EDA: variants seen among roughly 807,000 people sequenced by gnomAD.
EDA encodes ectodysplasin A.
A neutral mutation model predicts 23.6 loss-of-function variants in EDA; 2 were observed. That is an observed-to-expected ratio of 0.08 (90% CI 0.03 to 0.27). EDA has a LOEUF of 0.27. Among genes scored for constraint, EDA ranks in the 10% least tolerant of loss-of-function variants. The pLI, the probability that EDA is intolerant of heterozygous loss-of-function variation, is 1.00. For missense variants in EDA, 229 were observed against 324.2 expected (o/e 0.71, Z 2.26); for synonymous variants, 131 against 132.0 (o/e 0.99, Z 0.05).
chrX:69,853,614 C>T (rs1347856933), intron 1 of EDA, among the ~76,000 whole-genome samples: 2 of 111,939 alleles, frequency 1.8e-5, no homozygotes, highest in Non-Finnish European at 3.8e-5. Context: ...ACACCCAAAT[C>T]AGAGAAAAGC....
intron 1 of EDA, among the ~76,000 whole-genome samples, chrX:69,762,992 T>C (rs891093076): frequency 1.8e-5 from 2 of 112,181 alleles, no homozygotes; most frequent in African/African-American, 6.5e-5. Flanking sequence ...TTTGGATTAG[T>C]TGTGGTCTGT....
At chrX:69,970,476 C>CT (rs201017957) in intron 2 of EDA, among the ~76,000 whole-genome samples, 339 of 108,481 alleles carry the variant, frequency 3.1e-3, no homozygotes, top group Non-Finnish European at 5.1e-3. Context: ...AATGAGAATG[C>CT]TTTTTTTTTC....
At chrX:69,839,145 C>T (rs1265983502) in intron 1 of EDA, among the ~76,000 whole-genome samples, 1 of 112,056 alleles carries the variant, frequency 8.9e-6, no homozygotes, top group East Asian at 2.8e-4. Flanking sequence ...AGTATAGTAA[C>T]AAACAGGAAG....
chrX:69,714,239 CTTTTG>C (rs1186708262), intron 1 of EDA, among the ~76,000 whole-genome samples: 3 of 110,673 alleles, frequency 2.7e-5, no homozygotes, highest in African/African-American at 9.8e-5. Context: ...CTCTTCATGT[CTTTTG>C]TTTTATTTTT....
At chrX:69,805,304 G>A (rs2015788514) in intron 1 of EDA, among the ~76,000 whole-genome samples, 1 of 111,325 alleles carries the variant, frequency 9.0e-6, no homozygotes. Context: ...AACCATATCT[G>A]CCTTTGCTCA....
chrX:69,738,760 G>A, intron 1 of EDA, among the ~76,000 whole-genome samples: 1 of 108,875 alleles, frequency 9.2e-6, no homozygotes, highest in East Asian at 2.9e-4. Flanking sequence ...TGGTTATTTA[G>A]GAGTATGCTA....
chrX:69,970,669 A>G (rs1482893910), intron 2 of EDA, among the ~76,000 whole-genome samples: 1 of 111,808 alleles, frequency 8.9e-6, no homozygotes, highest in African/African-American at 3.2e-5. Flanking sequence ...CCAGAACGGG[A>G]TCTTCATGGT....
intron 1 of EDA, among the ~76,000 whole-genome samples, chrX:69,923,631 A>T (rs2018469442): frequency 8.9e-6 from 1 of 111,774 alleles, no homozygotes; most frequent in Admixed American, 9.5e-5. Context: ...CAGTAGAATG[A>T]TTTATTTAGA....
chrX:69,804,678 C>T (rs1373708996), intron 1 of EDA, among the ~76,000 whole-genome samples: 1 of 110,696 alleles, frequency 9.0e-6, no homozygotes, highest in African/African-American at 3.3e-5. Context: ...AGATAATCAT[C>T]TAACATGATC....
intron 1 of EDA, among the ~76,000 whole-genome samples, chrX:69,638,666 G>A (rs1011048431): frequency 1.8e-5 from 2 of 111,835 alleles, no homozygotes. Context: ...GTTAGTCTGA[G>A]CAGTAATTTC....
intron 1 of EDA, among the ~76,000 whole-genome samples, chrX:69,650,995 CA>C (rs1340703875): frequency 9.0e-6 from 1 of 111,074 alleles, no homozygotes; most frequent in Non-Finnish European, 1.9e-5. Flanking sequence ...GAAAGTTAGG[CA>C]AGATGAGATT....
At chrX:69,754,272 C>CA (rs1330241641) in intron 1 of EDA, among the ~76,000 whole-genome samples, 1 of 111,270 alleles carries the variant, frequency 9.0e-6, no homozygotes, top group African/African-American at 3.3e-5. Context: ...CTGGTGGTGA[C>CA]AAAATCAGCA....
intron 1 of EDA, among the ~76,000 whole-genome samples, chrX:69,827,156 G>T (rs949135525): frequency 3.6e-5 from 4 of 111,392 alleles, no homozygotes; most frequent in African/African-American, 1.3e-4. Context: ...TTCAACTTTG[G>T]TGAATCTGAC....
chrX:69,783,731 G>C (rs1385913958), intron 1 of EDA, among the ~76,000 whole-genome samples: 1 of 111,198 alleles, frequency 9.0e-6, no homozygotes, highest in Non-Finnish European at 1.9e-5. Flanking sequence ...TTGCTATTGT[G>C]AATAATGCTG....
At chrX:69,838,036 G>T (rs1396479118) in intron 1 of EDA, among the ~76,000 whole-genome samples, 1 of 112,250 alleles carries the variant, frequency 8.9e-6, no homozygotes, top group Non-Finnish European at 1.9e-5. Flanking sequence ...CGATGTCTCA[G>T]CATTGTAAAG....
At chrX:69,978,517 A>AATAAAT (rs1556044159) in intron 2 of EDA, among the ~76,000 whole-genome samples, 5 of 103,281 alleles carry the variant, frequency 4.8e-5, no homozygotes, top group East Asian at 3.4e-4. Context: ...AAAAAAAAAA[A>AATAAAT]AAAGAAAGAA....
chrX:69,672,868 T>G (rs5936486), intron 1 of EDA, among the ~76,000 whole-genome samples: 1 of 100,412 alleles, frequency 1.0e-5, no homozygotes, highest in African/African-American at 3.7e-5. Context: ...GGCGACAGAG[T>G]GAGACAACGT....
chrX:69,760,659 G>A (rs753376142), intron 1 of EDA, among the ~76,000 whole-genome samples: 11 of 112,065 alleles, frequency 9.8e-5, no homozygotes, highest in Middle Eastern at 4.6e-3. Flanking sequence ...AATTGACAGG[G>A]AAATGGGTAT....
intron 1 of EDA, among the ~76,000 whole-genome samples, chrX:69,754,463 A>G (rs2804378): frequency 0.34 from 37,238 of 110,759 alleles, 5,240 homozygotes; most frequent in Middle Eastern, 0.57. Flanking sequence ...ACCCTTTGTG[A>G]GTAACCCGAC....
Sources: allele counts gnomAD v4.1 joint callset (sites outside exome capture counted in the v4.1 genomes callset), GRCh38; gene constraint gnomAD v4.1.1; transcripts MANE v1.5; gene names NCBI Gene and HGNC (gene_info 2026-07-23, HGNC 2026-07-21).